Variants in DMXL2 observed in about 807,000 individuals in gnomAD.
DMXL2 encodes the protein Dmx like 2.
In DMXL2, 103 loss-of-function variants were observed where a neutral mutation model predicts 331.1. The observed-to-expected ratio is 0.31, with a 90% CI of 0.27 to 0.37. The LOEUF (loss-of-function observed/expected upper bound fraction) is 0.37. Ranked by LOEUF, DMXL2 falls within the 10% of genes least tolerant of loss-of-function variation. The probability of loss-of-function intolerance (pLI) is 1.00; values close to 1 mark genes in which losing one functional copy is unlikely to be tolerated. For synonymous variants in DMXL2, 1,281 were observed against 1,252.1 expected, an observed-to-expected ratio of 1.02 and a Z score of -0.49; for missense variants, 3,171 against 3,642.9, an observed-to-expected ratio of 0.87 and a Z score of 3.33.
In DMXL2 at chr15:51,448,009, C is replaced by A. The variant is rs1009314393; in HGVS notation, c.*975G>T. ...ATTTTTGGTCATAACCAAGGAAATA[C>A]ATCAAAATAATGACAACATTGGCTA... is the stretch of plus-strand genomic sequence containing the variant. On this transcript the variant is annotated 3_prime_UTR_variant, in exon 44 of 44. Transcript: ENST00000560891. The A allele has an allele frequency of 1.3e-5, 2 of 152,566 alleles. No individual in the cohort carries two copies. Among genetic ancestry groups the A allele is most frequent in the African/African-American group, 2.4e-5 (1 of 41,418 alleles). The allele number at this position is 152,566 out of a possible 1,614,324, so 9.5% of individuals were successfully genotyped here. A position where few individuals can be genotyped will look rare whatever the true frequency, so the allele number is the denominator to read the frequency against.
At chr15:51,582,121 C>G (rs1185175426) in intron 1 of DMXL2, among the ~76,000 whole-genome samples, 1 of 152,034 alleles carries the variant, frequency 6.6e-6, no homozygotes, top group Non-Finnish European at 1.5e-5. Flanking sequence ...TATTAAAAAC[C>G]TACTGGGTGA....
chr15:51,587,423 G>T (rs954709883), intron 1 of DMXL2, among the ~76,000 whole-genome samples: 1 of 152,038 alleles, frequency 6.6e-6, no homozygotes, highest in Non-Finnish European at 1.5e-5. Context: ...GCAGTGTTTG[G>T]TTTTTTGTCC....
chr15:51,579,458 G>A (rs1157290448), intron 1 of DMXL2, among the ~76,000 whole-genome samples: 1 of 152,152 alleles, frequency 6.6e-6, no homozygotes, highest in African/African-American at 2.4e-5. Flanking sequence ...ATGGTTTTAA[G>A]GCATGTTTAA....
chr15:51,585,738 C>G (rs567782802), intron 1 of DMXL2, among the ~76,000 whole-genome samples: 3 of 152,310 alleles, frequency 2.0e-5, no homozygotes, highest in Non-Finnish European at 4.4e-5. Flanking sequence ...TCCATTCCAA[C>G]AAAACCTGAC....
At chr15:51,457,023 T>A (rs1489919076) in intron 37 of DMXL2, among the ~76,000 whole-genome samples, 1 of 152,074 alleles carries the variant, frequency 6.6e-6, no homozygotes, top group Non-Finnish European at 1.5e-5. Context: ...AATACAAAAA[T>A]TAGCCAGGCA....
In DMXL2 at chr15:51,536,152, C is replaced by A; in HGVS notation, c.2314+14G>T. On this transcript the variant is annotated intron_variant, in intron 12 of 43. Transcript: ENST00000560891. ...AAAGCTTGTGTTAATTTCACAATTA[C>A]AATGAACACTTACCTAGACAGTAAC... 1 of 1,531,572 alleles carries A rather than the reference C, an allele frequency of 6.5e-7. No homozygotes were observed. Among genetic ancestry groups the A allele is most frequent in the Non-Finnish European group, 8.8e-7 (1 of 1,141,214 alleles). 94.9% of individuals were successfully genotyped at this position (1,531,572 alleles called of 1,614,324 possible).
At chr15:51,509,318 T>C (rs1024664984) in intron 15 of DMXL2, among the ~76,000 whole-genome samples, 1 of 150,968 alleles carries the variant, frequency 6.6e-6, no homozygotes, top group Non-Finnish European at 1.5e-5. Flanking sequence ...CTTGCCAAAC[T>C]AATAAAGAAA....
chr15:51,510,937 T>C (rs2046719892), intron 15 of DMXL2, among the ~76,000 whole-genome samples: 1 of 152,128 alleles, frequency 6.6e-6, no homozygotes, highest in Admixed American at 6.6e-5. Flanking sequence ...AAACAAGCAA[T>C]GGGGAAAGGA....
chr15:51,449,229 G>A (rs371015822), intron 43 of DMXL2, 36 bp from the exon 44 acceptor site: 83 of 1,606,670 alleles, frequency 5.2e-5, no homozygotes, highest in Middle Eastern at 1.7e-4. Flanking sequence ...AATATATTAC[G>A]AAAAGACCAA....
In DMXL2 at chr15:51,575,319, T is replaced by G. The variant is rs968034802; in HGVS notation, c.213+737A>C. ...AAATTTGTTACCCAATAAATAACAATTTCTAGAACACTAAGATTGTTTAAA... is the reference window on the plus strand; with the variant it reads ...AAATTTGTTACCCAATAAATAACAAGTTCTAGAACACTAAGATTGTTTAAA... On this transcript the variant is annotated intron_variant, in intron 2 of 43. Transcript: ENST00000560891. Among the ~76,000 whole-genome samples the G allele has an allele frequency of 2.6e-5, 4 of 152,262 alleles. No homozygotes were observed. The East Asian group carries it at 7.7e-4, about 29-fold the overall frequency.
At chr15:51,469,183 A>G (rs2040867016) in intron 29 of DMXL2, among the ~76,000 whole-genome samples, 1 of 151,534 alleles carries the variant, frequency 6.6e-6, no homozygotes, top group Admixed American at 6.6e-5. Context: ...ATGTAGATCT[A>G]TTTAAAATCC....
chr15:51,526,069 C>T (rs918988746), intron 13 of DMXL2, among the ~76,000 whole-genome samples: 18 of 150,752 alleles, frequency 1.2e-4, no homozygotes, highest in African/African-American at 4.4e-4. Context: ...GCTTGTGACA[C>T]TCCACTCCCA....
intron 31 of DMXL2, 75 bp downstream of exon 31, chr15:51,465,491 T>C (rs764737785): frequency 8.4e-6 from 9 of 1,074,286 alleles, no homozygotes; most frequent in South Asian, 1.4e-5. Context: ...TGACCTTATA[T>C]ATAGATTTTG....
chr15:51,524,506 G>A (rs1301478818), intron 13 of DMXL2, among the ~76,000 whole-genome samples: 1 of 152,160 alleles, frequency 6.6e-6, no homozygotes, highest in Non-Finnish European at 1.5e-5. Context: ...GCACTGAAGA[G>A]GTAGGAAACA....
intron 1 of DMXL2, among the ~76,000 whole-genome samples, chr15:51,612,732 C>A (rs937638749): frequency 4.6e-5 from 7 of 152,190 alleles, no homozygotes; most frequent in African/African-American, 1.7e-4. Flanking sequence ...CATGCATTGT[C>A]ATTGAAAACA....
At position 51,526,573 on chromosome 15, in the gene DMXL2, T is replaced by A. The variant is rs118112314; in HGVS notation, c.2436+9090A>T. ...AACCAAATAAGGTACCAGAGACCAA[T>A]CCTGGAGAAACAGAGATATGTGACC... On this transcript the variant is annotated intron_variant, in intron 13 of 43. Coordinates refer to ENST00000560891, the MANE Select transcript of DMXL2 (RefSeq NM_001378457.1). Among the ~76,000 whole-genome samples, 7 of 152,234 alleles carry A rather than the reference T, an allele frequency of 4.6e-5. No individual in the cohort carries two copies. In the East Asian group the frequency reaches 1.4e-3, roughly 29 times the overall value.
At chr15:51,488,339 A>T (rs945566118) in intron 21 of DMXL2, among the ~76,000 whole-genome samples, 2 of 152,238 alleles carry the variant, frequency 1.3e-5, no homozygotes, top group African/African-American at 4.8e-5. Context: ...TTTACTTTGC[A>T]AAGTGCTTTT....
intron 16 of DMXL2, 61 bp downstream of exon 16, chr15:51,507,073 A>C: frequency 7.6e-7 from 1 of 1,318,040 alleles, no homozygotes; most frequent in African/African-American, 1.5e-5. Flanking sequence ...ACCAAAGTAA[A>C]GCATATTCTA....
At chr15:51,496,383 GA>G (rs1173130797) in intron 18 of DMXL2, among the ~76,000 whole-genome samples, 3 of 152,180 alleles carry the variant, frequency 2.0e-5, no homozygotes, top group Non-Finnish European at 4.4e-5. Context: ...GTGTGGCCAG[GA>G]AGGAACTCTC....
Sources: allele counts gnomAD v4.1 joint callset (sites outside exome capture counted in the v4.1 genomes callset), GRCh38; gene constraint gnomAD v4.1.1; transcripts MANE v1.5; gene names NCBI Gene and HGNC (gene_info 2026-07-23, HGNC 2026-07-21).